Variants in ACAP2 observed in about 807,000 individuals in gnomAD.
The protein encoded by ACAP2 is arf-GAP with coiled-coil, ANK repeat and PH domain-containing protein 2.
Under a neutral mutation model 115.8 loss-of-function variants are expected in ACAP2, and 39 were observed. The observed-to-expected ratio is 0.34, with a 90% CI of 0.26 to 0.44. The LOEUF is 0.44. Ranked by LOEUF, ACAP2 falls within the 20% of genes least tolerant of loss-of-function variation. The pLI, the probability that ACAP2 is intolerant of heterozygous loss-of-function variation, is 1.00. For missense variants in ACAP2, 662 were observed against 927.6 expected (o/e 0.71, Z 3.72); for synonymous variants, 289 against 315.8 (o/e 0.92, Z 0.90).
intron 16 of ACAP2, among the ~76,000 whole-genome samples, 175 bp from the exon 17 acceptor site, chr3:195,296,067 T>C (rs1727640368): frequency 6.6e-6 from 1 of 152,152 alleles, no homozygotes; most frequent in African/African-American, 2.4e-5. Context: ...AAATACCTAA[T>C]GAACTATGAT....
In ACAP2 at chr3:195,275,652, A is replaced by C. The variant is rs1726163549; in HGVS notation, c.*3676T>G. The C allele has an allele frequency of 6.6e-6, 1 of 152,190 alleles. No individual in the cohort carries two copies. The highest frequency in any genetic ancestry group is 6.5e-5 in the Admixed American group (1 of 15,280). 9.4% of individuals were successfully genotyped at this position (152,190 alleles called of 1,614,324 possible). A position where few individuals can be genotyped will look rare whatever the true frequency, so the allele number is the denominator to read the frequency against. Reference sequence around the variant, plus strand: ...TCAGTCAGACCTGGGTAATGGTGCCAATTCTGCCACCAGCTAGCAAATCAA... The same window carrying C: ...TCAGTCAGACCTGGGTAATGGTGCCCATTCTGCCACCAGCTAGCAAATCAA... On this transcript the variant is annotated 3_prime_UTR_variant, in exon 23 of 23. Transcript: ENST00000326793.
In ACAP2 at chr3:195,338,961, T is replaced by G. The variant is rs564156142; in HGVS notation, c.529-1985A>C. Among the ~76,000 whole-genome samples the G allele has an allele frequency of 1.5e-3, 229 of 152,018 alleles. No individual in the cohort carries two copies. In the Middle Eastern group the frequency reaches 0.017, roughly 11 times the overall value. On this transcript the variant is annotated intron_variant, in intron 6 of 22. Transcript: ENST00000326793. ...AAGACTAGTTTCTGGCTGGGTGAGG[T>G]GGCTCACGCCTGTAATCCTTGCACT...
At chr3:195,334,840 A>T (rs1028776603) in intron 7 of ACAP2, among the ~76,000 whole-genome samples, 1 of 152,180 alleles carries the variant, frequency 6.6e-6, no homozygotes, top group African/African-American at 2.4e-5. Context: ...TTTATAAATA[A>T]ATCTATCCTA....
At chr3:195,437,794 G>A (rs1443274317) in intron 1 of ACAP2, among the ~76,000 whole-genome samples, 6 of 111,878 alleles carry the variant, frequency 5.4e-5, no homozygotes, top group Non-Finnish European at 1.0e-4. Flanking sequence ...CAGCCTGGGC[G>A]ACAGTGTGAG....
chr3:195,283,591 A>G (rs1456632806), intron 22 of ACAP2, among the ~76,000 whole-genome samples: 1 of 152,234 alleles, frequency 6.6e-6, no homozygotes, highest in African/African-American at 2.4e-5. Context: ...AAGCAGAGGA[A>G]AAACAAACAG....
chr3:195,306,337 TGAAATAAAGA>T (rs1373557967), intron 13 of ACAP2, among the ~76,000 whole-genome samples, 164 bp downstream of exon 13: 3 of 152,114 alleles, frequency 2.0e-5, no homozygotes, highest in African/African-American at 7.2e-5. Context: ...AAATGGTAAG[TGAAATAAAGA>T]GAAATAAACA....
At chr3:195,300,693 C>A (rs1727989755) in intron 15 of ACAP2, among the ~76,000 whole-genome samples, 1 of 152,100 alleles carries the variant, frequency 6.6e-6, no homozygotes, top group Non-Finnish European at 1.5e-5. Context: ...TAAAAAGAAT[C>A]TAATCAGAAA....
chr3:195,351,058 A>G (rs1731535600), intron 4 of ACAP2, among the ~76,000 whole-genome samples: 1 of 152,184 alleles, frequency 6.6e-6, no homozygotes, highest in African/African-American at 2.4e-5. Context: ...AGGCAAGCCA[A>G]AGCATGGAAG....
intron 15 of ACAP2, among the ~76,000 whole-genome samples, chr3:195,300,190 G>A (rs1477390848): frequency 6.6e-6 from 1 of 151,858 alleles, no homozygotes; most frequent in Non-Finnish European, 1.5e-5. Flanking sequence ...GGGACTACAG[G>A]TGTGTGCCAC....
chr3:195,323,693 A>G (rs9851843), intron 9 of ACAP2, among the ~76,000 whole-genome samples: 1,743 of 152,214 alleles, frequency 0.011, 33 homozygotes, highest in African/African-American at 0.039. Context: ...TATTTGTGGG[A>G]TCTAAAAAAT....
At chr3:195,392,965 T>C (rs1032670748) in intron 1 of ACAP2, among the ~76,000 whole-genome samples, 2 of 152,210 alleles carry the variant, frequency 1.3e-5, no homozygotes, top group Non-Finnish European at 2.9e-5. Flanking sequence ...ATTTTAAGAT[T>C]TAACTAAATT....
At chr3:195,374,191 G>C (rs1233569607) in intron 4 of ACAP2, among the ~76,000 whole-genome samples, 2 of 152,150 alleles carry the variant, frequency 1.3e-5, no homozygotes, top group African/African-American at 4.8e-5. Flanking sequence ...TTCGAGACCA[G>C]CCTGGCCAAC....
intron 1 of ACAP2, among the ~76,000 whole-genome samples, chr3:195,421,859 A>G (rs762353254): frequency 6.6e-6 from 1 of 152,212 alleles, no homozygotes; most frequent in Non-Finnish European, 1.5e-5. Flanking sequence ...TGTTCTTTTC[A>G]AGAGATTCAG....
chr3:195,340,898 A>C (rs893217061), intron 6 of ACAP2, among the ~76,000 whole-genome samples: 2 of 152,164 alleles, frequency 1.3e-5, no homozygotes, highest in African/African-American at 4.8e-5. Context: ...TTAAAAATTT[A>C]ACTTCCCACT....
At chr3:195,302,322 A>T (rs992585085) in intron 13 of ACAP2, 148 bp from the exon 14 acceptor site, 1 of 691,438 alleles carries the variant, frequency 1.4e-6, no homozygotes. Flanking sequence ...CTAGAAATTC[A>T]AGGATAAAAA....
At chr3:195,292,551 A>T in intron 18 of ACAP2, 99 bp from the exon 19 acceptor site, 1 of 1,146,724 alleles carries the variant, frequency 8.7e-7, no homozygotes. Flanking sequence ...AGATAAAAAG[A>T]GTTCTGTGGA....
At chr3:195,285,967 ATTAAAATAATCTGGCTT>A in intron 21 of ACAP2, 110 bp from the exon 22 acceptor site, 1 of 792,062 alleles carries the variant, frequency 1.3e-6, no homozygotes, top group South Asian at 2.1e-5. Context: ...TTTATTTGCC[ATTAAAATAATCTGGCTT>A]TTAGTTTATC....
At chr3:195,303,065 A>T (rs746750908) in intron 13 of ACAP2, among the ~76,000 whole-genome samples, 30 of 152,168 alleles carry the variant, frequency 2.0e-4, no homozygotes, top group Non-Finnish European at 4.0e-4. Flanking sequence ...AATACAAAAA[A>T]ATTAGCTGGG....
chr3:195,320,557 T>C (rs548666416), intron 10 of ACAP2, 144 bp downstream of exon 10: 13 of 501,326 alleles, frequency 2.6e-5, no homozygotes, highest in Non-Finnish European at 4.0e-5. Flanking sequence ...AAAGGGCATC[T>C]ATCTTCAATA....
Sources: allele counts gnomAD v4.1 joint callset (sites outside exome capture counted in the v4.1 genomes callset), GRCh38; gene constraint gnomAD v4.1.1; transcripts MANE v1.5; gene names NCBI Gene and HGNC (gene_info 2026-07-23, HGNC 2026-07-21).